The following PARP12 variants were observed in gnomAD, a reference collection of about 807,000 sequenced individuals.
PARP12 encodes the protein poly(ADP-ribose) polymerase family member 12, also known as protein mono-ADP-ribosyltransferase PARP12.
In PARP12, 59 loss-of-function variants were observed where a neutral mutation model predicts 72.4. The observed-to-expected ratio is 0.81, with a 90% CI of 0.66 to 1.01. The LOEUF (loss-of-function observed/expected upper bound fraction) is 1.01. Ranked by LOEUF, PARP12 falls within the 50% of genes least tolerant of loss-of-function variation. The pLI is 0.00. For missense variants in PARP12, 851 were observed against 914.0 expected, an observed-to-expected ratio of 0.93 and a Z score of 0.89; for synonymous variants, 403 against 371.4, an observed-to-expected ratio of 1.09 and a Z score of -0.98.
chr7:140,041,005 T>C (rs766872536), intron 6 of PARP12, among the ~76,000 whole-genome samples: 6 of 152,178 alleles, frequency 3.9e-5, no homozygotes, highest in Admixed American at 6.5e-5. Context: ...TGACCTCAAC[T>C]GATCTGCCCA....
At chr7:140,046,757 T>TGTGTGTCA (rs748540692) in intron 5 of PARP12, 127 bp downstream of exon 5, 1 of 831,724 alleles carries the variant, frequency 1.2e-6, no homozygotes, top group African/African-American at 2.1e-5. Context: ...TGTGTGTGTG[T>TGTGTGTCA]CACACACAGA....
rs1816473332 is a variant in PARP12, at chr7:140,041,634, T to A, written c.1182+10A>T. 1 of 1,610,392 alleles carries A rather than the reference T, an allele frequency of 6.2e-7. No homozygotes were observed. Among genetic ancestry groups the A allele is most frequent in the Admixed American group, 1.7e-5 (1 of 59,666 alleles). On this transcript the variant is annotated intron_variant, in intron 6 of 11. Coordinates refer to ENST00000263549, the MANE Select transcript of PARP12 (RefSeq NM_022750.4). ...GGACAAAACATTCACCCTCTTTCCA[T>A]CACACTTACCTGTCTTCCATATTCC...
intron 8 of PARP12, chr7:140,029,147 C>T (rs1815845120): frequency 6.5e-6 from 1 of 153,316 alleles, no homozygotes; most frequent in Non-Finnish European, 1.5e-5. Context: ...ATAAAAGTGA[C>T]ATCAAAAGTC....
At chr7:140,054,902 T>C in intron 3 of PARP12, 139 bp from the exon 4 acceptor site, 1 of 674,292 alleles carries the variant, frequency 1.5e-6, no homozygotes, top group Non-Finnish European at 2.5e-6. Context: ...GTGAAAGTGC[T>C]CCTACACAGG....
chr7:140,043,195 A>G (rs1292180799), intron 5 of PARP12, among the ~76,000 whole-genome samples: 3 of 152,120 alleles, frequency 2.0e-5, no homozygotes, highest in African/African-American at 4.8e-5. Flanking sequence ...CTCCATCTCA[A>G]AAAAAAAGAA....
chr7:140,049,172 C>G (rs368878520), intron 4 of PARP12, among the ~76,000 whole-genome samples: 115 of 152,118 alleles, frequency 7.6e-4, no homozygotes, highest in African/African-American at 2.5e-3. Context: ...GGTATGGGGC[C>G]GAGCAGACAG....
At chr7:140,057,291 C>T in intron 2 of PARP12, 138 bp from the exon 3 acceptor site, 1 of 833,004 alleles carries the variant, frequency 1.2e-6, no homozygotes, top group Non-Finnish European at 1.9e-6. Flanking sequence ...GCTATTACAT[C>T]CCTCACTCTA....
intron 6 of PARP12, chr7:140,038,174 C>G (rs1406531510): frequency 2.0e-6 from 2 of 985,308 alleles, no homozygotes; most frequent in Non-Finnish European, 2.4e-6. Flanking sequence ...CAAATGCCGG[C>G]AGAACAGCAA....
rs570539158 is a variant in PARP12, at chr7:140,033,799, A to G, written c.1421+436T>C. On this transcript the variant is annotated intron_variant, in intron 8 of 11. Transcript: ENST00000263549. Reference sequence around the variant, plus strand: ...CGAAGCTCGCCCATTAGTGACTGCAATATCTGTTTTTAGAGTTTTGGTATT... The same window carrying G: ...CGAAGCTCGCCCATTAGTGACTGCAGTATCTGTTTTTAGAGTTTTGGTATT... 73 of 987,188 alleles carry G rather than the reference A, an allele frequency of 7.4e-5. No individual in the cohort carries two copies. In the African/African-American group the frequency reaches 1.2e-3, roughly 17 times the overall value. The allele number at this position is 987,188 out of a possible 1,614,324, so 61.2% of individuals were successfully genotyped here. A position where few individuals can be genotyped will look rare whatever the true frequency, so the allele number is the denominator to read the frequency against.
At position 140,057,476 on chromosome 7, in the gene PARP12, A is replaced by G. The variant is rs949632000; in HGVS notation, c.463-323T>C. ...TACATCCTAAGGACCTCTACAATCT[A>G]CCTATACTCTTCCCACACTGACTCA... On this transcript the variant is annotated intron_variant, in intron 2 of 11. Transcript: ENST00000263549. 3 of 405,144 alleles carry G rather than the reference A, an allele frequency of 7.4e-6. No individual in the cohort carries two copies. The East Asian group carries it at 1.3e-4, about 18-fold the overall frequency. 25.1% of individuals were successfully genotyped at this position (405,144 alleles called of 1,614,324 possible). A position where few individuals can be genotyped will look rare whatever the true frequency, so the allele number is the denominator to read the frequency against.
chr7:140,057,688 G>A, intron 2 of PARP12: 1 of 605,778 alleles, frequency 1.7e-6, no homozygotes, highest in East Asian at 2.8e-5. Flanking sequence ...GCTATCCATG[G>A]CATCTGTGTG....
Position 140,028,700 on chromosome 7 carries a change from T to C in PARP12, c.1422-12A>G, listed in dbSNP as rs1815826939. 1 of 1,590,212 alleles carries C rather than the reference T, an allele frequency of 6.3e-7. No homozygotes were observed. Among genetic ancestry groups the C allele is most frequent in the South Asian group, 1.1e-5 (1 of 87,822 alleles). On this transcript the variant is annotated splice_polypyrimidine_tract_variant and intron_variant, in intron 8 of 11. Coordinates refer to ENST00000263549, the MANE Select transcript of PARP12 (RefSeq NM_022750.4). ...GAAACTTGGTATTGCTACAAAAATG[T>C]AAACAAAAACACGTAGACATTTTAT...
Position 140,052,252 on chromosome 7 carries a change from G to A in PARP12, c.862+2410C>T, listed in dbSNP as rs552699768. Among the ~76,000 whole-genome samples, 4 of 152,226 alleles carry A rather than the reference G, an allele frequency of 2.6e-5. No individual in the cohort carries two copies. The East Asian group carries it at 7.7e-4, about 29-fold the overall frequency. On this transcript the variant is annotated intron_variant, in intron 4 of 11. Transcript: ENST00000263549. ...AATTTAATTTTTAATTTTTCTGGCAGACTGTATAAACTGAACTAATCAAGA... is the reference window on the plus strand; with the variant it reads ...AATTTAATTTTTAATTTTTCTGGCAAACTGTATAAACTGAACTAATCAAGA...
chr7:140,026,126 C>T lies in PARP12; in HGVS notation c.1780+71G>A, dbSNP rs1042308602. Reference sequence around the variant, plus strand: ...CAGCTCAGGCTGGTCCCCTCATGCCCTCTAGCAGTCTGTTCCTATGCAGGG... The same window carrying T: ...CAGCTCAGGCTGGTCCCCTCATGCCTTCTAGCAGTCTGTTCCTATGCAGGG... On this transcript the variant is annotated intron_variant, in intron 11 of 11. Transcript: ENST00000263549. 17 of 1,611,180 alleles carry T rather than the reference C, an allele frequency of 1.1e-5. No individual in the cohort carries two copies. In the African/African-American group the frequency reaches 1.9e-4, roughly 18 times the overall value.
At chr7:140,040,002 A>T (rs1017845228) in intron 6 of PARP12, among the ~76,000 whole-genome samples, 1 of 152,162 alleles carries the variant, frequency 6.6e-6, no homozygotes, top group Non-Finnish European at 1.5e-5. Flanking sequence ...CAGAGCTGTG[A>T]TGAGACACCA....
chr7:140,037,062 C>T (rs1448563699), intron 7 of PARP12, among the ~76,000 whole-genome samples: 1 of 152,188 alleles, frequency 6.6e-6, no homozygotes, highest in African/African-American at 2.4e-5. Flanking sequence ...GTGGCTCATG[C>T]CTGAAATCCC....
At chr7:140,050,301 C>T (rs1025175838) in intron 4 of PARP12, among the ~76,000 whole-genome samples, 4 of 152,198 alleles carry the variant, frequency 2.6e-5, no homozygotes, top group African/African-American at 9.7e-5. Context: ...GGCAGAGGCA[C>T]TCCCTTCCCC....
intron 6 of PARP12, among the ~76,000 whole-genome samples, chr7:140,040,425 AG>A (rs567499332): frequency 3.9e-4 from 60 of 152,278 alleles, no homozygotes; most frequent in Middle Eastern, 3.4e-3. Flanking sequence ...GAGAGGGGAA[AG>A]GAAGTAGTGC....
At chr7:140,054,575 G>T in intron 4 of PARP12, 87 bp downstream of exon 4, 1 of 1,134,032 alleles carries the variant, frequency 8.8e-7, no homozygotes, top group Non-Finnish European at 1.3e-6. Context: ...TAGAGGTTTG[G>T]TAGGGGGTGA....
Sources: allele counts gnomAD v4.1 joint callset (sites outside exome capture counted in the v4.1 genomes callset), GRCh38; gene constraint gnomAD v4.1.1; transcripts MANE v1.5; gene names NCBI Gene and HGNC (gene_info 2026-07-23, HGNC 2026-07-21).